DUXA: variants seen among roughly 807,000 people sequenced by gnomAD.
DUXA encodes the protein double homeobox A.
DUXA carries 25 observed loss-of-function variants against 27.5 expected under a neutral mutation model. The ratio of observed to expected loss-of-function variants is 0.91; its 90% CI spans 0.66 to 1.27. DUXA has a LOEUF of 1.27. Ranked by LOEUF, DUXA falls within the 50% of genes most tolerant of loss-of-function variation. DUXA has a pLI of 0.00. For missense variants in DUXA, 247 were observed against 242.9 expected (o/e 1.02, Z -0.11); for synonymous variants, 90 against 80.5 (o/e 1.12, Z -0.63).
intron 4 of DUXA, among the ~76,000 whole-genome samples, chr19:57,156,063 A>C (rs1380615968): frequency 6.6e-6 from 1 of 152,192 alleles, no homozygotes; most frequent in Non-Finnish European, 1.5e-5. Flanking sequence ...CCTTTGTGAT[A>C]GGTTTTAGAT....
chr19:57,157,212 C>T (rs1009146755), intron 4 of DUXA, among the ~76,000 whole-genome samples: 9 of 152,184 alleles, frequency 5.9e-5, no homozygotes, highest in South Asian at 2.1e-4. Flanking sequence ...CTGGTTTAAA[C>T]GCACACACAC....
intron 3 of DUXA, 120 bp downstream of exon 3, chr19:57,159,047 T>C (rs2122691755): frequency 1.3e-6 from 1 of 766,024 alleles, no homozygotes; most frequent in Non-Finnish European, 2.1e-6. Context: ...GATGAACCCT[T>C]TGCCACCATA....
chr19:57,159,122 C>G, intron 3 of DUXA, 45 bp downstream of exon 3: 3 of 1,552,068 alleles, frequency 1.9e-6, no homozygotes, highest in East Asian at 2.2e-5. Context: ...TTGGCTCCGC[C>G]GTAGAGAAGC....
intron 1 of DUXA, among the ~76,000 whole-genome samples, chr19:57,161,424 C>A (rs997858205): frequency 6.7e-5 from 10 of 148,722 alleles, no homozygotes; most frequent in African/African-American, 2.0e-4. Flanking sequence ...GAGATCGAGA[C>A]CATCCTGGCT....
At position 57,154,344 on chromosome 19, in the gene DUXA, C is replaced by T; in HGVS notation, c.*68G>A. 1 of 1,454,122 alleles carries T rather than the reference C, an allele frequency of 6.9e-7. No individual in the cohort carries two copies. Among genetic ancestry groups the T allele is most frequent in the Non-Finnish European group, 9.6e-7 (1 of 1,038,946 alleles). 90.1% of individuals were successfully genotyped at this position (1,454,122 alleles called of 1,614,324 possible). On this transcript the variant is annotated 3_prime_UTR_variant, in exon 6 of 6. Transcript: ENST00000554048. The stretch of plus-strand genomic sequence containing the variant: ...TGCAGTTTCAGCAGAAGGATAGACT[C>T]CCAGGAAGACCGTGAGACAGATTTG...
At chr19:57,158,046 T>C (rs574977884) in intron 4 of DUXA, among the ~76,000 whole-genome samples, 1 of 151,748 alleles carries the variant, frequency 6.6e-6, no homozygotes, top group Admixed American at 6.6e-5. Flanking sequence ...CAATGTTAAC[T>C]AATATTCACT....
At chr19:57,161,236 A>T (rs2087019490) in intron 1 of DUXA, among the ~76,000 whole-genome samples, 1 of 149,024 alleles carries the variant, frequency 6.7e-6, no homozygotes, top group Admixed American at 6.8e-5. Context: ...GAGGCAGCAA[A>T]ATCGCTTGAA....
At chr19:57,159,310 G>C (rs540417676) in intron 2 of DUXA, 32 bp from the exon 3 acceptor site, 1 of 1,589,286 alleles carries the variant, frequency 6.3e-7, no homozygotes, top group Non-Finnish European at 8.6e-7. Context: ...AGAGAATTAC[G>C]TGTTAATGTC....
At chr19:57,156,824 C>A (rs2086995337) in intron 4 of DUXA, among the ~76,000 whole-genome samples, 1 of 152,116 alleles carries the variant, frequency 6.6e-6, no homozygotes, top group South Asian at 2.1e-4. Flanking sequence ...ACCACCATGC[C>A]CAGCTAAATT....
chr19:57,164,553 C>A (rs2122699493), intron 1 of DUXA, among the ~76,000 whole-genome samples: 1 of 151,888 alleles, frequency 6.6e-6, no homozygotes, highest in South Asian at 2.1e-4. Context: ...CCAGCCTGGG[C>A]AACAGGAGTG....
At chr19:57,163,692 G>A (rs191402239) in intron 1 of DUXA, among the ~76,000 whole-genome samples, 97 of 152,140 alleles carry the variant, frequency 6.4e-4, no homozygotes, top group Non-Finnish European at 1.0e-3. Context: ...GCCTCCCAAA[G>A]TGCTGGGATT....
chr19:57,159,046 T>G (rs1351721605), intron 3 of DUXA, 121 bp downstream of exon 3: 2 of 763,390 alleles, frequency 2.6e-6, no homozygotes, highest in Non-Finnish European at 4.3e-6. Flanking sequence ...CGATGAACCC[T>G]TTGCCACCAT....
intron 1 of DUXA, among the ~76,000 whole-genome samples, chr19:57,163,156 C>T (rs917729533): frequency 2.0e-5 from 3 of 152,224 alleles, no homozygotes; most frequent in South Asian, 2.1e-4. Flanking sequence ...CTTGCTCCTC[C>T]GTCTACCCAC....
chr19:57,154,521 T>A, intron 5 of DUXA, 39 bp from the exon 6 acceptor site: 1 of 1,472,206 alleles, frequency 6.8e-7, no homozygotes, highest in Non-Finnish European at 9.5e-7. Flanking sequence ...ATGTAAGAGA[T>A]CAGCTTATAT....
intron 1 of DUXA, among the ~76,000 whole-genome samples, chr19:57,162,188 G>A (rs1039441585): frequency 3.9e-5 from 6 of 152,188 alleles, no homozygotes; most frequent in South Asian, 2.1e-4. Flanking sequence ...ACCCCTGGCC[G>A]GAGCATATTT....
At chr19:57,154,765 G>T (rs10422082) in intron 5 of DUXA, among the ~76,000 whole-genome samples, 5 of 151,770 alleles carry the variant, frequency 3.3e-5, no homozygotes, top group Admixed American at 1.3e-4. Flanking sequence ...GGGTTTCACC[G>T]TGTTAGCCAG....
chr19:57,159,313 T>C (rs2087008529), intron 2 of DUXA, 35 bp from the exon 3 acceptor site: 1 of 1,582,332 alleles, frequency 6.3e-7, no homozygotes, highest in Admixed American at 1.7e-5. Context: ...GAATTACGTG[T>C]TAATGTCATT....
At chr19:57,157,888 G>A (rs1039971222) in intron 4 of DUXA, among the ~76,000 whole-genome samples, 6 of 151,736 alleles carry the variant, frequency 4.0e-5, no homozygotes, top group South Asian at 2.1e-4. Flanking sequence ...TAGCTACTCA[G>A]GCAGCTGAAG....
At chr19:57,164,222 C>T (rs114020941) in intron 1 of DUXA, among the ~76,000 whole-genome samples, 1,599 of 152,290 alleles carry the variant, frequency 0.01, 30 homozygotes, top group African/African-American at 0.029. Context: ...ATTTATCCCA[C>T]GGATGCAAGG....
Sources: allele counts gnomAD v4.1 joint callset (sites outside exome capture counted in the v4.1 genomes callset), GRCh38; gene constraint gnomAD v4.1.1; transcripts MANE v1.5; gene names NCBI Gene and HGNC (gene_info 2026-07-23, HGNC 2026-07-21).